SORCS1: variants seen among roughly 807,000 people sequenced by gnomAD.
The protein encoded by SORCS1 is VPS10 domain-containing receptor SorCS1.
Under a neutral mutation model 146.1 loss-of-function variants are expected in SORCS1, and 60 were observed. The observed-to-expected ratio is 0.41, with a 90% CI of 0.33 to 0.51. SORCS1 has a LOEUF of 0.51. Ranked by LOEUF, SORCS1 falls within the 20% of genes least tolerant of loss-of-function variation. The pLI, the probability that SORCS1 is intolerant of heterozygous loss-of-function variation, is 0.21. For missense variants in SORCS1, 1,352 were observed against 1,487.6 expected (o/e 0.91, Z 1.50); for synonymous variants, 637 against 584.0 (o/e 1.09, Z -1.31).
At chr10:106,867,476 G>T (rs1344299768) in intron 2 of SORCS1, among the ~76,000 whole-genome samples, 1 of 151,950 alleles carries the variant, frequency 6.6e-6, no homozygotes, top group African/African-American at 2.4e-5. Flanking sequence ...AGTAGAGATG[G>T]GTTTCACCGT....
chr10:106,673,000 G>T lies in SORCS1; in HGVS notation c.1941-15C>A. On this transcript the variant is annotated splice_polypyrimidine_tract_variant and intron_variant, in intron 14 of 25. Coordinates refer to ENST00000263054, the MANE Select transcript of SORCS1 (RefSeq NM_052918.5). ...GTCCAAACACTCTACAGAGTTCATG[G>T]TGATAAAAATAATTACAATGATAAC... is the stretch of plus-strand genomic sequence containing the variant. The T allele has an allele frequency of 1.9e-6, 3 of 1,598,460 alleles. No homozygotes were observed. The highest frequency in any genetic ancestry group is 2.6e-6 in the Non-Finnish European group (3 of 1,166,562).
At chr10:106,679,480 G>A (rs1449633735) in intron 11 of SORCS1, 148 bp from the exon 12 acceptor site, 1 of 931,598 alleles carries the variant, frequency 1.1e-6, no homozygotes, top group Non-Finnish European at 1.6e-6. Flanking sequence ...CAGGTCCAAT[G>A]GTTTAGGTGC....
intron 1 of SORCS1, among the ~76,000 whole-genome samples, chr10:107,157,047 T>A (rs183044470): frequency 1.3e-5 from 2 of 152,328 alleles, no homozygotes; most frequent in African/African-American, 4.8e-5. Flanking sequence ...ACAAACAACT[T>A]GAAAAGCTGA....
chr10:106,719,331 T>C (rs910714525), intron 6 of SORCS1, among the ~76,000 whole-genome samples: 2 of 151,956 alleles, frequency 1.3e-5, no homozygotes, highest in African/African-American at 4.8e-5. Context: ...TACTTAGATG[T>C]GTCTACACGC....
intron 21 of SORCS1, among the ~76,000 whole-genome samples, chr10:106,616,294 C>T (rs1268988129): frequency 6.6e-6 from 1 of 151,870 alleles, no homozygotes; most frequent in East Asian, 1.9e-4. Context: ...CAACCTGTGA[C>T]ATCCAAGAGG....
intron 18 of SORCS1, among the ~76,000 whole-genome samples, chr10:106,640,981 T>C (rs1219244227): frequency 6.6e-6 from 1 of 152,156 alleles, no homozygotes; most frequent in Non-Finnish European, 1.5e-5. Flanking sequence ...TTGTGTGTGC[T>C]TGTGTGCGCG....
chr10:106,611,736 C>T (rs1847003639), intron 22 of SORCS1, among the ~76,000 whole-genome samples, 175 bp downstream of exon 22: 1 of 152,190 alleles, frequency 6.6e-6, no homozygotes, highest in Admixed American at 6.5e-5. Flanking sequence ...CCTTTGAGGT[C>T]TCTGCATGTG....
chr10:107,108,678 A>T (rs954640212), intron 1 of SORCS1, among the ~76,000 whole-genome samples: 2 of 152,088 alleles, frequency 1.3e-5, no homozygotes, highest in Admixed American at 1.3e-4. Flanking sequence ...TGTCCTTCTC[A>T]TATTGCAAAA....
intron 2 of SORCS1, among the ~76,000 whole-genome samples, chr10:106,939,592 A>C (rs1953928056): frequency 6.6e-6 from 1 of 152,210 alleles, no homozygotes; most frequent in South Asian, 2.1e-4. Flanking sequence ...AAGAAGTCAT[A>C]ATCCTCTGCA....
chr10:107,103,391 A>G (rs1965083063), intron 1 of SORCS1, among the ~76,000 whole-genome samples: 1 of 152,208 alleles, frequency 6.6e-6, no homozygotes, highest in East Asian at 1.9e-4. Context: ...TCTCTAGACA[A>G]ACAGAACACT....
intron 1 of SORCS1, among the ~76,000 whole-genome samples, chr10:106,984,720 T>C (rs1434365299): frequency 6.6e-6 from 1 of 152,026 alleles, no homozygotes; most frequent in African/African-American, 2.4e-5. Flanking sequence ...AAAGTTACTA[T>C]TATCACCACC....
chr10:106,858,089 G>C (rs1410928875), intron 2 of SORCS1, among the ~76,000 whole-genome samples: 1 of 152,174 alleles, frequency 6.6e-6, no homozygotes, highest in African/African-American at 2.4e-5. Context: ...GGATTAAACA[G>C]TAGGTTAAGG....
the SORCS1 span, among the ~76,000 whole-genome samples, chr10:107,170,813 C>T: frequency 6.6e-6 from 1 of 152,070 alleles, no homozygotes; most frequent in Non-Finnish European, 1.5e-5. Flanking sequence ...AGAGGGACAC[C>T]AAAGAGGAAA....
At position 106,637,929 on chromosome 10, in the gene SORCS1, C is replaced by T. The variant is rs570697892; in HGVS notation, c.2476-8541G>A. 1.0e-3 allele frequency among the ~76,000 whole-genome samples: 152 copies of T among 152,268 alleles called. 3 individuals carry two copies. In the South Asian group the frequency reaches 0.03, roughly 31 times the overall value. ...TGAATCCCAAATTTCCCTTTTATGT[C>T]TTCTGTACTTGGTGTCTGGTTTAAA... On this transcript the variant is annotated intron_variant, in intron 18 of 25. Transcript: ENST00000263054.
At chr10:107,115,596 C>T (rs553681240) in intron 1 of SORCS1, among the ~76,000 whole-genome samples, 2 of 151,924 alleles carry the variant, frequency 1.3e-5, no homozygotes, top group Non-Finnish European at 2.9e-5. Flanking sequence ...TAAAAATTAA[C>T]TCAAAATGGA....
At chr10:106,597,492 C>T in intron 23 of SORCS1, 42 bp from the exon 24 acceptor site, 3 of 1,440,550 alleles carry the variant, frequency 2.1e-6, no homozygotes, top group Non-Finnish European at 2.9e-6. Flanking sequence ...AAGTGTCATA[C>T]TGATTATAAA....
intron 3 of SORCS1, among the ~76,000 whole-genome samples, chr10:106,779,547 A>AT (rs11357093): frequency 0.17 from 14,284 of 84,782 alleles, 890 homozygotes; most frequent in East Asian, 0.25. Context: ...TATGGCCCAT[A>AT]TTTTTTTTTT....
At chr10:106,721,646 T>G (rs1186961644) in intron 6 of SORCS1, among the ~76,000 whole-genome samples, 1 of 152,230 alleles carries the variant, frequency 6.6e-6, no homozygotes, top group Non-Finnish European at 1.5e-5. Context: ...ACTGATAGAC[T>G]ATTTATTGTT....
chr10:107,034,715 CAT>C (rs1407031974), intron 1 of SORCS1, among the ~76,000 whole-genome samples: 2 of 84,772 alleles, frequency 2.4e-5, no homozygotes, highest in Non-Finnish European at 5.1e-5. Flanking sequence ...AAACAATGTT[CAT>C]AGAAGAAACA....
Sources: allele counts gnomAD v4.1 joint callset (sites outside exome capture counted in the v4.1 genomes callset), GRCh38; gene constraint gnomAD v4.1.1; transcripts MANE v1.5; gene names NCBI Gene and HGNC (gene_info 2026-07-23, HGNC 2026-07-21).